Variants in ARHGEF26 observed in about 807,000 individuals in gnomAD.
ARHGEF26 encodes Rho guanine nucleotide exchange factor 26.
A neutral mutation model predicts 89.4 loss-of-function variants in ARHGEF26; 59 were observed. The ratio of observed to expected loss-of-function variants is 0.66; its 90% CI spans 0.54 to 0.82. The LOEUF (loss-of-function observed/expected upper bound fraction) is 0.82, where lower values mean the gene tolerates loss of function less well. Among genes scored for constraint, ARHGEF26 ranks in the 40% least tolerant of loss-of-function variants. ARHGEF26 has a pLI of 0.00. For missense variants in ARHGEF26, 1,234 were observed against 1,085.6 expected, an observed-to-expected ratio of 1.14 and a Z score of -1.92; for synonymous variants, 500 against 428.4, an observed-to-expected ratio of 1.17 and a Z score of -2.06.
chr3:154,168,331 C>T (rs114160257), intron 6 of ARHGEF26, among the ~76,000 whole-genome samples: 13 of 152,048 alleles, frequency 8.5e-5, no homozygotes, highest in Non-Finnish European at 1.8e-4. Flanking sequence ...AATCCCAGCA[C>T]TTTGGAAGGT....
intron 4 of ARHGEF26, among the ~76,000 whole-genome samples, chr3:154,139,370 T>C (rs890513552): frequency 5.9e-5 from 9 of 152,208 alleles, no homozygotes; most frequent in African/African-American, 1.7e-4. Flanking sequence ...TTCCAAGTTA[T>C]TGCTTACTAT....
chr3:154,205,297 A>G (rs932434251), intron 9 of ARHGEF26, among the ~76,000 whole-genome samples: 2 of 151,598 alleles, frequency 1.3e-5, no homozygotes, highest in Admixed American at 6.6e-5. Context: ...CTGGAAATCC[A>G]TTGTGTCTGA....
chr3:154,223,913 G>T (rs978179287), intron 10 of ARHGEF26, among the ~76,000 whole-genome samples: 1 of 151,462 alleles, frequency 6.6e-6, no homozygotes, highest in Admixed American at 6.6e-5. Flanking sequence ...CTCTTTTCTT[G>T]CTGCCCCATA....
chr3:154,194,775 C>A, intron 9 of ARHGEF26, 57 bp downstream of exon 9: 2 of 1,446,922 alleles, frequency 1.4e-6, no homozygotes, highest in South Asian at 1.2e-5. Context: ...TTAGCTCAGA[C>A]ACAAAGTGTG....
At chr3:154,232,737 T>C (rs1716893997) in intron 11 of ARHGEF26, among the ~76,000 whole-genome samples, 1 of 152,194 alleles carries the variant, frequency 6.6e-6, no homozygotes, top group African/African-American at 2.4e-5. Context: ...TCCAGTCAAG[T>C]TGGTACTGTT....
At chr3:154,201,120 A>G (rs967460959) in intron 9 of ARHGEF26, among the ~76,000 whole-genome samples, 21 of 152,170 alleles carry the variant, frequency 1.4e-4, no homozygotes, top group Admixed American at 1.1e-3. Flanking sequence ...TTCATTTAAT[A>G]TTAGGTTTAT....
chr3:154,229,357 A>G (rs888932889), intron 11 of ARHGEF26, among the ~76,000 whole-genome samples: 4 of 152,156 alleles, frequency 2.6e-5, no homozygotes, highest in African/African-American at 4.8e-5. Flanking sequence ...GGCTGTGGGC[A>G]TGTGCCTTTC....
intron 3 of ARHGEF26, among the ~76,000 whole-genome samples, chr3:154,127,925 G>T (rs1186588157): frequency 1.3e-5 from 2 of 152,112 alleles, no homozygotes; most frequent in Non-Finnish European, 2.9e-5. Context: ...TATGCAATGC[G>T]TGACTGTATT....
At chr3:154,221,343 T>C (rs889467957) in intron 10 of ARHGEF26, among the ~76,000 whole-genome samples, 2 of 152,222 alleles carry the variant, frequency 1.3e-5, no homozygotes, top group African/African-American at 4.8e-5. Context: ...ATTTTATTGA[T>C]GGAATTGGAG....
intron 12 of ARHGEF26, among the ~76,000 whole-genome samples, chr3:154,244,374 T>C (rs949867005): frequency 5.3e-5 from 8 of 152,162 alleles, no homozygotes; most frequent in African/African-American, 1.7e-4. Flanking sequence ...GCAGAAATGC[T>C]CACCAAAAGG....
At chr3:154,163,333 T>C (rs990811260) in intron 6 of ARHGEF26, among the ~76,000 whole-genome samples, 1 of 152,148 alleles carries the variant, frequency 6.6e-6, no homozygotes, top group Admixed American at 6.5e-5. Flanking sequence ...ACCATTTCCC[T>C]TTTGTGGGTA....
chr3:154,125,609 C>T (rs1718284044), intron 3 of ARHGEF26, among the ~76,000 whole-genome samples: 2 of 152,070 alleles, frequency 1.3e-5, no homozygotes, highest in Admixed American at 6.5e-5. Context: ...CTTTACATTC[C>T]CTGGAATTTG....
chr3:154,198,519 T>G (rs555290828), intron 9 of ARHGEF26, among the ~76,000 whole-genome samples: 29 of 152,272 alleles, frequency 1.9e-4, no homozygotes, highest in African/African-American at 5.3e-4. Context: ...AAATGTGGCA[T>G]ATATACACCA....
chr3:154,239,161 T>G (rs1717298485), intron 11 of ARHGEF26, among the ~76,000 whole-genome samples: 1 of 151,270 alleles, frequency 6.6e-6, no homozygotes, highest in Non-Finnish European at 1.5e-5. Context: ...GAGAGTAAAG[T>G]CGGGGAATTG....
At chr3:154,203,095 T>G (rs1414664468) in intron 9 of ARHGEF26, among the ~76,000 whole-genome samples, 2 of 152,314 alleles carry the variant, frequency 1.3e-5, no homozygotes, top group Admixed American at 1.3e-4. Context: ...AAAGGAATGC[T>G]TCCAGTTTTT....
intron 2 of ARHGEF26, 39 bp from the exon 3 acceptor site, chr3:154,124,371 C>CCTTTTTTTTTTTTTTTTTT (rs760323719): frequency 1.1e-5 from 11 of 977,556 alleles, no homozygotes; most frequent in Admixed American, 4.0e-5. Context: ...GTTTGCTTTT[C>CCTTTTTTTTTTTTTTTTTT]CTTTTTTTTT....
intron 6 of ARHGEF26, among the ~76,000 whole-genome samples, chr3:154,169,563 T>A (rs147525684): frequency 6.6e-6 from 1 of 152,284 alleles, no homozygotes; most frequent in African/African-American, 2.4e-5. Context: ...GCAAAACTGT[T>A]TAGTGTTTAC....
chr3:154,152,907 A>G lies in ARHGEF26; in HGVS notation c.1462A>G (p.Thr488Ala), dbSNP rs1720110968. The change falls in exon 6 of 15, where the codon ACA becomes GCA. Residue 488 changes from threonine (T) to alanine (A), a missense_variant. By Grantham distance (58) the Thr-to-Ala change is moderately conservative (BLOSUM62 0). Transcript: ENST00000465093. ...GAGGCACCATCTTTTCTCCAATATT[A>G]CAGATGTCTGTGAGGCAAGCAAAAA... ...TERHHLFSNI[T>A]DVCEASKKFF... is the part of the protein sequence containing the mutation. 1.9e-6 allele frequency: 3 copies of G among 1,596,858 alleles called. No homozygotes were observed. Among genetic ancestry groups the G allele is most frequent in the Non-Finnish European group, 8.5e-7 (1 of 1,172,356 alleles).
intron 11 of ARHGEF26, among the ~76,000 whole-genome samples, chr3:154,239,247 A>C (rs1717304033): frequency 1.0e-5 from 1 of 95,880 alleles, no homozygotes; most frequent in Non-Finnish European, 2.1e-5. Flanking sequence ...GATGTAAATG[A>C]CCGAGAGAGA....
Sources: allele counts gnomAD v4.1 joint callset (sites outside exome capture counted in the v4.1 genomes callset), GRCh38; gene constraint gnomAD v4.1.1; transcripts MANE v1.5; gene names NCBI Gene and HGNC (gene_info 2026-07-23, HGNC 2026-07-21).